FGF14: variants seen among roughly 807,000 people sequenced by gnomAD.
FGF14 encodes the protein fibroblast growth factor 14.
FGF14 carries 5 observed loss-of-function variants against 25.5 expected under a neutral mutation model. The ratio of observed to expected loss-of-function variants is 0.20; its 90% CI spans 0.10 to 0.41. The LOEUF is 0.41. FGF14 is among the 10% of genes least tolerant of loss of function. The pLI, the probability that FGF14 is intolerant of heterozygous loss-of-function variation, is 1.00. For missense variants in FGF14, 222 were observed against 320.1 expected (o/e 0.69, Z 2.34); for synonymous variants, 138 against 118.3 (o/e 1.17, Z -1.08).
chr13:102,137,783 A>G (rs2046475501), intron 1 of FGF14, among the ~76,000 whole-genome samples: 1 of 151,936 alleles, frequency 6.6e-6, no homozygotes, highest in South Asian at 2.1e-4. Flanking sequence ...TTTTAGGGCC[A>G]TAAGTTAGAT....
chr13:102,061,543 A>T (rs1392157655), intron 1 of FGF14, among the ~76,000 whole-genome samples: 1 of 152,282 alleles, frequency 6.6e-6, no homozygotes, highest in African/African-American at 2.4e-5. Context: ...ATAATGTTAT[A>T]TATTTAAGTA....
intron 2 of FGF14, among the ~76,000 whole-genome samples, chr13:101,871,566 CA>C (rs2045087068): frequency 6.6e-6 from 1 of 151,858 alleles, no homozygotes; most frequent in Non-Finnish European, 1.5e-5. Context: ...TTAACATTAC[CA>C]TAGTTAATAG....
At chr13:101,727,702 G>C (rs1226775622) in intron 3 of FGF14, among the ~76,000 whole-genome samples, 1 of 151,928 alleles carries the variant, frequency 6.6e-6, no homozygotes, top group African/African-American at 2.4e-5. Context: ...AAATTAATAA[G>C]GGTACAATCT....
At chr13:101,910,199 A>T (rs2032765622) in intron 1 of FGF14, among the ~76,000 whole-genome samples, 1 of 152,118 alleles carries the variant, frequency 6.6e-6, no homozygotes, top group African/African-American at 2.4e-5. Context: ...CATATGTAAC[A>T]AACCTGCGCT....
chr13:102,187,482 T>C (rs2048923706), intron 1 of FGF14, among the ~76,000 whole-genome samples: 1 of 152,196 alleles, frequency 6.6e-6, no homozygotes, highest in Non-Finnish European at 1.5e-5. Flanking sequence ...ACTTATTGAT[T>C]TATGTTGCTA....
chr13:102,061,745 T>C (rs2042698798), intron 1 of FGF14, among the ~76,000 whole-genome samples: 1 of 152,206 alleles, frequency 6.6e-6, no homozygotes, highest in Non-Finnish European at 1.5e-5. Flanking sequence ...GGCAATACTG[T>C]CGAGTTCTGC....
At chr13:102,062,359 A>G (rs1010588658) in intron 1 of FGF14, among the ~76,000 whole-genome samples, 3 of 152,122 alleles carry the variant, frequency 2.0e-5, no homozygotes, top group African/African-American at 7.2e-5. Flanking sequence ...ATTGAAAACA[A>G]AAAGAAAAAA....
At chr13:102,036,716 AAAG>A (rs1055289181) in intron 1 of FGF14, among the ~76,000 whole-genome samples, 8 of 152,046 alleles carry the variant, frequency 5.3e-5, no homozygotes, top group South Asian at 2.1e-4. Flanking sequence ...CGAAGAAGAA[AAAG>A]AAGAACAACA....
At chr13:102,083,894 T>C (rs2043761212) in intron 1 of FGF14, among the ~76,000 whole-genome samples, 1 of 152,210 alleles carries the variant, frequency 6.6e-6, no homozygotes. Context: ...TCTTCAAAAT[T>C]ATGAAACTGA....
chr13:102,154,793 A>G (rs1190233798), intron 1 of FGF14, among the ~76,000 whole-genome samples: 2 of 152,178 alleles, frequency 1.3e-5, no homozygotes, highest in Admixed American at 1.3e-4. Flanking sequence ...AGACACGCAT[A>G]GGCTCAAAAT....
chr13:101,816,266 T>A (rs1209796251), intron 3 of FGF14, among the ~76,000 whole-genome samples: 1 of 72,498 alleles, frequency 1.4e-5, no homozygotes, highest in Admixed American at 1.4e-4. Flanking sequence ...AGAGACTCCG[T>A]CTCAAAAAAA....
chr13:101,960,725 G>A (rs2036800474), intron 1 of FGF14, among the ~76,000 whole-genome samples: 2 of 152,166 alleles, frequency 1.3e-5, no homozygotes, highest in Non-Finnish European at 2.9e-5. Context: ...GGATTGCCAG[G>A]TCAAACGGTA....
At chr13:101,786,834 C>T (rs1204962817) in intron 3 of FGF14, among the ~76,000 whole-genome samples, 1 of 152,102 alleles carries the variant, frequency 6.6e-6, no homozygotes, top group African/African-American at 2.4e-5. Flanking sequence ...GACAATTAAA[C>T]CACATAGCAT....
Position 101,805,584 on chromosome 13 carries a change from G to A in FGF14, c.408+63141C>T, listed in dbSNP as rs1391053784. On this transcript the variant is annotated intron_variant, in intron 3 of 4. Transcript: ENST00000376143. ...TGTAGTGGCGTTTTCCTACAGAGAAGTTAAAGATTTGTATGCAAGCAATAG... is the reference window on the plus strand; with the variant it reads ...TGTAGTGGCGTTTTCCTACAGAGAAATTAAAGATTTGTATGCAAGCAATAG... Among the ~76,000 whole-genome samples the A allele has an allele frequency of 2.6e-5, 4 of 152,166 alleles. No individual in the cohort carries two copies. In the South Asian group the frequency reaches 6.2e-4, roughly 24 times the overall value.
intron 3 of FGF14, among the ~76,000 whole-genome samples, chr13:101,775,012 TTC>T: frequency 6.6e-6 from 1 of 151,108 alleles, no homozygotes; most frequent in African/African-American, 2.4e-5. Context: ...AGATATGAAC[TTC>T]TCTTTTTGCT....
At chr13:101,897,468 T>A (rs575090601) in intron 1 of FGF14, among the ~76,000 whole-genome samples, 1 of 152,250 alleles carries the variant, frequency 6.6e-6, no homozygotes, top group South Asian at 2.1e-4. Flanking sequence ...TCAGGGCTAC[T>A]CCAGTCTTTG....
intron 3 of FGF14, among the ~76,000 whole-genome samples, chr13:101,809,805 C>A (rs1469962889): frequency 6.6e-6 from 1 of 152,040 alleles, no homozygotes; most frequent in South Asian, 2.1e-4. Context: ...GCAAACAGAG[C>A]CAGCTATCCA....
intron 1 of FGF14, among the ~76,000 whole-genome samples, chr13:102,336,886 C>T (rs780613208): frequency 4.6e-5 from 7 of 152,164 alleles, no homozygotes; most frequent in Admixed American, 2.0e-4. Flanking sequence ...GCACAGTTTA[C>T]TGAATATTTT....
chr13:101,932,855 C>T (rs538321180), intron 1 of FGF14, among the ~76,000 whole-genome samples: 6 of 150,498 alleles, frequency 4.0e-5, no homozygotes, highest in African/African-American at 1.2e-4. Context: ...GTGTTTAACA[C>T]GGTGGACAAG....
Sources: gnomAD v4.1 joint callset for allele counts (sites outside exome capture counted in the v4.1 genomes callset) on GRCh38, gnomAD v4.1.1 for gene constraint, MANE v1.5 for transcripts, NCBI Gene and HGNC (gene_info 2026-07-23, HGNC 2026-07-21) for gene names.